The following CBR4 variants were observed in gnomAD, a reference collection of about 807,000 sequenced individuals.
CBR4 encodes carbonyl reductase 4, also known as 3-oxoacyl-[acyl-carrier-protein] reductase.
A neutral mutation model predicts 21.0 loss-of-function variants in CBR4; 22 were observed. The observed-to-expected ratio is 1.05, with a 90% CI of 0.75 to 1.50. The LOEUF (loss-of-function observed/expected upper bound fraction) is 1.50, where lower values mean the gene tolerates loss of function less well. Ranked by LOEUF, CBR4 falls within the 40% of genes most tolerant of loss-of-function variation. The pLI is 0.00. For synonymous variants in CBR4, 100 were observed against 104.4 expected, an observed-to-expected ratio of 0.96 and a Z score of 0.26; for missense variants, 302 against 286.3, an observed-to-expected ratio of 1.05 and a Z score of -0.40.
In CBR4 at chr4:169,002,158, C is replaced by T. The variant is rs756834844; in HGVS notation, c.448G>A (p.Ala150Thr). 3.2e-6 allele frequency: 5 copies of T among 1,580,626 alleles called. No individual in the cohort carries two copies. Among genetic ancestry groups the T allele is most frequent in the Non-Finnish European group, 3.4e-6 (4 of 1,166,736 alleles). The change falls in exon 4 of 5, where the codon GCC becomes ACC. Residue 150 changes from alanine (A) to threonine (T), a missense_variant. Transcript: ENST00000306193. Reference protein sequence around the residue: ...KGNSGQSVYSASKGGLVGFSR... With the variant: ...KGNSGQSVYSTSKGGLVGFSR... ...AATCCAACTAATCCTCCTTTACTGGCACTGTAAACGGACTGGCCAGAGTTG... is the reference window on the plus strand; with the variant it reads ...AATCCAACTAATCCTCCTTTACTGGTACTGTAAACGGACTGGCCAGAGTTG...
At chr4:168,978,670 C>G (rs1030105793) in intron 2 of CBR4, among the ~76,000 whole-genome samples, 1 of 152,192 alleles carries the variant, frequency 6.6e-6, no homozygotes, top group Non-Finnish European at 1.5e-5. Flanking sequence ...GTGTGCCACT[C>G]AGGCACAAAT....
intron 2 of CBR4, chr4:168,926,075 C>CTAAATTTT (rs1762533111): frequency 1.5e-6 from 1 of 666,562 alleles, no homozygotes. Context: ...AAAAGTGTTC[C>CTAAATTTT]TAAATTTTCC....
chr4:168,921,322 G>T (rs181568026), intron 2 of CBR4, among the ~76,000 whole-genome samples: 1 of 144,204 alleles, frequency 6.9e-6, no homozygotes, highest in Admixed American at 7.5e-5. Flanking sequence ...CAGGAGAATC[G>T]CTTGAACCCG....
intron 2 of CBR4, among the ~76,000 whole-genome samples, chr4:168,906,510 G>A (rs953147011): frequency 9.9e-5 from 15 of 152,184 alleles, no homozygotes; most frequent in Non-Finnish European, 2.2e-4. Flanking sequence ...GTCACTAGAT[G>A]AAGGTGAGCT....
At chr4:168,969,954 C>A (rs745659062) in intron 2 of CBR4, among the ~76,000 whole-genome samples, 17 of 152,234 alleles carry the variant, frequency 1.1e-4, no homozygotes, top group Non-Finnish European at 1.9e-4. Context: ...ATTTTTGCCA[C>A]TCAAATGTCA....
intron 2 of CBR4, chr4:168,926,177 T>C: frequency 6.8e-7 from 1 of 1,465,548 alleles, no homozygotes; most frequent in Non-Finnish European, 9.1e-7. Flanking sequence ...AAGTATATCT[T>C]GATTAAAAAT....
intron 4 of CBR4, among the ~76,000 whole-genome samples, chr4:168,998,421 AAC>A (rs1460300486): frequency 6.6e-6 from 1 of 152,198 alleles, no homozygotes; most frequent in Non-Finnish European, 1.5e-5. Flanking sequence ...AAAGTGACAT[AAC>A]AGTCACAAAA....
At chr4:168,970,256 A>C (rs936326817) in intron 2 of CBR4, among the ~76,000 whole-genome samples, 6 of 152,246 alleles carry the variant, frequency 3.9e-5, no homozygotes, top group African/African-American at 1.4e-4. Flanking sequence ...ATTTGACCAA[A>C]CTTTTCTTTT....
chr4:168,966,942 G>A (rs1341306804), intron 2 of CBR4, among the ~76,000 whole-genome samples: 2 of 151,802 alleles, frequency 1.3e-5, no homozygotes, highest in Admixed American at 6.6e-5. Flanking sequence ...GGCAACCCGG[G>A]AGGCCGAGCT....
At chr4:169,007,862 G>T in intron 1 of CBR4, 106 bp from the exon 2 acceptor site, 1 of 709,740 alleles carries the variant, frequency 1.4e-6, no homozygotes. Context: ...TGCTAATCTA[G>T]AACCTAAAGA....
In CBR4 at chr4:169,010,149, C is replaced by A; in HGVS notation, c.-60G>T. The A allele has an allele frequency of 2.2e-6, 3 of 1,390,706 alleles. No individual in the cohort carries two copies. Among genetic ancestry groups the A allele is most frequent in the South Asian group, 1.6e-5 (1 of 64,000 alleles). 86.1% of individuals were successfully genotyped at this position (1,390,706 alleles called of 1,614,324 possible). ...GAGTGGGAGCCCCTCTCCAGGTTCC[C>A]TCAGGCTTTTAAACAACCGCGGTTC... On this transcript the variant is annotated 5_prime_UTR_variant, in exon 1 of 5. The change creates a new upstream start codon in the 5' untranslated region. Transcript: ENST00000306193.
At chr4:169,008,970 G>A (rs545614869) in intron 1 of CBR4, 5 of 455,154 alleles carry the variant, frequency 1.1e-5, no homozygotes, top group African/African-American at 1.0e-4. Flanking sequence ...TATAGTCCCA[G>A]GTCCTTGGGA....
At chr4:168,951,887 G>C (rs1353044393) in intron 2 of CBR4, among the ~76,000 whole-genome samples, 1 of 152,164 alleles carries the variant, frequency 6.6e-6, no homozygotes, top group Non-Finnish European at 1.5e-5. Flanking sequence ...TGATGACAAT[G>C]TGCCTAGGTG....
chr4:169,010,254 G>C lies in CBR4; in HGVS notation c.-165C>G. The stretch of plus-strand genomic sequence containing the variant: ...CGACACCTCCTGCAGCCGCACAATA[G>C]TAATGCAAGACGCCGTGAAAAGGAG... On this transcript the variant is annotated 5_prime_UTR_variant, in exon 1 of 5. Transcript: ENST00000306193. The C allele has an allele frequency of 1.6e-6, 1 of 611,720 alleles. No homozygotes were observed. The highest frequency in any genetic ancestry group is 2.7e-6 in the Non-Finnish European group (1 of 370,124). 37.9% of individuals were successfully genotyped at this position (611,720 alleles called of 1,614,324 possible).
intron 2 of CBR4, among the ~76,000 whole-genome samples, chr4:168,934,311 C>A (rs1763050655): frequency 2.9e-5 from 3 of 103,516 alleles, no homozygotes; most frequent in Non-Finnish European, 4.3e-5. Flanking sequence ...AAAAGCAAGC[C>A]AAACCCAAAA....
chr4:168,950,543 C>G (rs904092295), intron 2 of CBR4, among the ~76,000 whole-genome samples: 1 of 152,094 alleles, frequency 6.6e-6, no homozygotes, highest in Non-Finnish European at 1.5e-5. Context: ...AAATTCCATG[C>G]ACTGCTGAAT....
rs187108732 is a variant in CBR4, at chr4:168,938,915, T to A, written n.170-44150A>T. Reference sequence around the variant, plus strand: ...CTTCTGAAACTATTCTAAACAATAGTAAAAAAGGGAATCCTCCCTAACTCA... The same window carrying A: ...CTTCTGAAACTATTCTAAACAATAGAAAAAAAGGGAATCCTCCCTAACTCA... On this transcript the variant is annotated intron_variant and non_coding_transcript_variant, in intron 2 of 3. Coordinates refer to the CBR4 transcript ENST00000509108. Among the ~76,000 whole-genome samples the A allele has an allele frequency of 9.9e-4, 150 of 151,998 alleles. 1 individual carries two copies. The highest frequency in any genetic ancestry group is 3.5e-3 in the African/African-American group (145 of 41,462).
At chr4:168,968,431 T>C (rs1186784137) in intron 2 of CBR4, among the ~76,000 whole-genome samples, 2 of 152,330 alleles carry the variant, frequency 1.3e-5, no homozygotes, top group East Asian at 3.9e-4. Flanking sequence ...GATACAGCCC[T>C]AGGGCACAAC....
chr4:168,927,907 G>GTATCT (rs1279374329), intron 2 of CBR4: 2 of 202,542 alleles, frequency 9.9e-6, no homozygotes, highest in Non-Finnish European at 2.0e-5. Flanking sequence ...CAAAACACAT[G>GTATCT]TATCTTTCAT....
Sources: gnomAD v4.1 joint callset for allele counts (sites outside exome capture counted in the v4.1 genomes callset) on GRCh38, gnomAD v4.1.1 for gene constraint, MANE v1.5 for transcripts, NCBI Gene and HGNC (gene_info 2026-07-23, HGNC 2026-07-21) for gene names.